Variants in PTK2 observed in about 807,000 individuals in gnomAD.
PTK2 encodes focal adhesion kinase 1.
Under a neutral mutation model 150.1 loss-of-function variants are expected in PTK2, and 45 were observed. That is an observed-to-expected ratio of 0.30 (90% CI 0.24 to 0.38). The LOEUF (loss-of-function observed/expected upper bound fraction) is 0.38, where lower values mean the gene tolerates loss of function less well. PTK2 is among the 10% of genes least tolerant of loss of function. PTK2 has a pLI of 1.00. For synonymous variants in PTK2, 432 were observed against 449.2 expected, an observed-to-expected ratio of 0.96 and a Z score of 0.48; for missense variants, 919 against 1,307.3, an observed-to-expected ratio of 0.70 and a Z score of 4.58.
chr8:140,979,590 T>C (rs1045169512), intron 1 of PTK2, among the ~76,000 whole-genome samples: 1 of 152,172 alleles, frequency 6.6e-6, no homozygotes, highest in African/African-American at 2.4e-5. Context: ...CAGACAAGGA[T>C]GTGGAACAAC....
At chr8:140,699,915 C>T (rs1056333056) in intron 26 of PTK2, among the ~76,000 whole-genome samples, 1 of 151,982 alleles carries the variant, frequency 6.6e-6, no homozygotes, top group Admixed American at 6.6e-5. Flanking sequence ...GACAGGTCCA[C>T]ATTCCTCTAT....
rs185745523 is a variant in PTK2 at position 140,980,478 on chromosome 8, C to T, written c.-122+20647G>A. Among the ~76,000 whole-genome samples, 545 of 151,854 alleles carry T rather than the reference C, an allele frequency of 3.6e-3. 5 individuals carry two copies. The highest frequency in any genetic ancestry group is 0.012 in the African/African-American group (499 of 41,418). On this transcript the variant is annotated intron_variant, in intron 1 of 31. Coordinates refer to ENST00000522684, the Ensembl canonical transcript of PTK2. Reference sequence around the variant, plus strand: ...TCTACTAAAAATAGAAAAAATTAGCCGGGCATGGTGGTGGGCGCCTGTAGT... The same window carrying T: ...TCTACTAAAAATAGAAAAAATTAGCTGGGCATGGTGGTGGGCGCCTGTAGT...
At chr8:140,978,465 C>A (rs1394108271) in intron 1 of PTK2, among the ~76,000 whole-genome samples, 1 of 152,200 alleles carries the variant, frequency 6.6e-6, no homozygotes, top group African/African-American at 2.4e-5. Context: ...TGAACAGACA[C>A]TTCTCAAAAG....
chr8:140,939,365 G>A (rs965786717), intron 1 of PTK2, among the ~76,000 whole-genome samples: 3 of 152,104 alleles, frequency 2.0e-5, no homozygotes, highest in African/African-American at 7.2e-5. Flanking sequence ...CACTGCTATT[G>A]ATATGTGTAC....
intron 2 of PTK2, 50 bp from the exon 3 acceptor site, chr8:140,890,819 A>C (rs1263548897): frequency 6.9e-7 from 1 of 1,454,582 alleles, no homozygotes; most frequent in Non-Finnish European, 9.6e-7. Context: ...GAAATCTACC[A>C]ATTACAATGT....
chr8:140,755,764 A>G (rs1565726030), intron 16 of PTK2, among the ~76,000 whole-genome samples: 3 of 152,210 alleles, frequency 2.0e-5, no homozygotes, highest in Admixed American at 6.5e-5. Flanking sequence ...GCAGAAAATG[A>G]TTACAAAATT....
At chr8:140,862,789 G>A (rs187460615) in intron 5 of PTK2, among the ~76,000 whole-genome samples, 5 of 152,314 alleles carry the variant, frequency 3.3e-5, no homozygotes, top group African/African-American at 9.6e-5. Flanking sequence ...CCTAAGGCCT[G>A]ATGATCTGAG....
intron 7 of PTK2, among the ~76,000 whole-genome samples, chr8:140,834,794 G>C (rs1186695241): frequency 6.6e-6 from 1 of 152,172 alleles, no homozygotes; most frequent in Non-Finnish European, 1.5e-5. Flanking sequence ...CTCTCTTAAT[G>C]TTTAACTGAC....
intron 8 of PTK2, among the ~76,000 whole-genome samples, chr8:140,824,945 A>G (rs1158192742): frequency 2.6e-5 from 4 of 152,230 alleles, no homozygotes; most frequent in Non-Finnish European, 4.4e-5. Flanking sequence ...AGGATGAACC[A>G]TAAGAAACTG....
chr8:140,922,252 T>A (rs1460910744), intron 2 of PTK2, among the ~76,000 whole-genome samples: 1 of 152,060 alleles, frequency 6.6e-6, no homozygotes, highest in Non-Finnish European at 1.5e-5. Context: ...AGGCTCCTAA[T>A]AGTAGCCAGA....
chr8:140,834,767 G>A (rs2100117700), intron 7 of PTK2, among the ~76,000 whole-genome samples: 2 of 152,100 alleles, frequency 1.3e-5, no homozygotes, highest in Non-Finnish European at 2.9e-5. Context: ...GGTTTTTCTG[G>A]CCAATTTTAA....
In PTK2 at chr8:140,679,037, T is replaced by G. The variant is rs11988584; in HGVS notation, c.2563-3538A>C. On this transcript the variant is annotated intron_variant, in intron 27 of 31. Transcript: ENST00000522684. The stretch of plus-strand genomic sequence containing the variant: ...TTTTTTTTTTTTTTTTTTTTTTTTT[T>G]TTTTTGAGACGGACTCTTGCTCTGT... Among the ~76,000 whole-genome samples the G allele has an allele frequency of 5.2e-5, 5 of 95,936 alleles. 1 individual carries two copies. The highest frequency in any genetic ancestry group is 2.7e-4 in the East Asian group (1 of 3,646). 62.9% of individuals were successfully genotyped at this position (95,936 alleles called of 152,430 possible). A position where few individuals can be genotyped will look rare whatever the true frequency, so the allele number is the denominator to read the frequency against.
intron 10 of PTK2, among the ~76,000 whole-genome samples, chr8:140,814,964 CA>C (rs2100103803): frequency 6.6e-6 from 1 of 152,032 alleles, no homozygotes; most frequent in African/African-American, 2.4e-5. Flanking sequence ...TTAGTAGGGA[CA>C]GGGTTTCACC....
intron 16 of PTK2, among the ~76,000 whole-genome samples, chr8:140,759,783 C>A (rs4961232): frequency 6.6e-6 from 1 of 151,876 alleles, no homozygotes; most frequent in Admixed American, 6.6e-5. Flanking sequence ...GTCGAGGCCA[C>A]GGTGAGCCAT....
chr8:140,748,267 G>T (rs1336373633), intron 17 of PTK2, among the ~76,000 whole-genome samples: 4 of 152,120 alleles, frequency 2.6e-5, no homozygotes, highest in Non-Finnish European at 5.9e-5. Context: ...GCCGAGGTGG[G>T]CCGATCACCT....
chr8:140,869,650 G>C (rs542076530), intron 4 of PTK2, among the ~76,000 whole-genome samples: 1 of 152,044 alleles, frequency 6.6e-6, no homozygotes, highest in East Asian at 1.9e-4. Context: ...GCAAAGAATA[G>C]AGAATGAAAT....
At chr8:140,828,516 A>G (rs1280123771) in intron 8 of PTK2, among the ~76,000 whole-genome samples, 1 of 152,208 alleles carries the variant, frequency 6.6e-6, no homozygotes, top group Non-Finnish European at 1.5e-5. Flanking sequence ...ATACAGATTT[A>G]AGGAGACTTT....
chr8:140,818,322 G>T (rs758593102), exon 10 of PTK2: 50 of 1,613,860 alleles, frequency 3.1e-5, no homozygotes, highest in Non-Finnish European at 4.2e-5. Flanking sequence ...CTTCTGGGCC[G>T]ATTGCCAGTT....
At chr8:140,798,729 G>T (rs921349367) in intron 12 of PTK2, among the ~76,000 whole-genome samples, 1 of 151,998 alleles carries the variant, frequency 6.6e-6, no homozygotes, top group African/African-American at 2.4e-5. Context: ...AAAGGAAATG[G>T]GCAATCTATT....
Sources: allele counts gnomAD v4.1 joint callset (sites outside exome capture counted in the v4.1 genomes callset), GRCh38; gene constraint gnomAD v4.1.1; transcripts MANE v1.5; gene names NCBI Gene and HGNC (gene_info 2026-07-23, HGNC 2026-07-21).